The following RAPGEF4 variants were observed in gnomAD, a reference collection of about 807,000 sequenced individuals.
RAPGEF4 encodes Rap guanine nucleotide exchange factor 4, also known as RAP guanine-nucleotide-exchange factor (GEF) 4.
A neutral mutation model predicts 147.9 loss-of-function variants in RAPGEF4; 66 were observed. That is an observed-to-expected ratio of 0.45 (90% CI 0.37 to 0.55). The LOEUF is 0.55. Among genes scored for constraint, RAPGEF4 ranks in the 20% least tolerant of loss-of-function variants. The probability of loss-of-function intolerance (pLI) is 0.00; values close to 1 mark genes in which losing one functional copy is unlikely to be tolerated. For missense variants in RAPGEF4, 1,071 were observed against 1,257.3 expected (o/e 0.85, Z 2.24); for synonymous variants, 419 against 442.7 (o/e 0.95, Z 0.67).
intron 4 of RAPGEF4, among the ~76,000 whole-genome samples, chr2:172,875,070 C>T (rs1403706444): frequency 6.6e-6 from 1 of 152,196 alleles, no homozygotes; most frequent in Non-Finnish European, 1.5e-5. Context: ...TGTTCACATC[C>T]TTTGCCCACT....
At chr2:173,009,258 T>A (rs1694785505) in intron 17 of RAPGEF4, among the ~76,000 whole-genome samples, 1 of 152,220 alleles carries the variant, frequency 6.6e-6, no homozygotes, top group Admixed American at 6.5e-5. Flanking sequence ...TAAATAGCTG[T>A]GATATTTTTA....
chr2:172,946,797 G>T (rs1687722750), intron 6 of RAPGEF4, among the ~76,000 whole-genome samples: 1 of 152,102 alleles, frequency 6.6e-6, no homozygotes, highest in African/African-American at 2.4e-5. Flanking sequence ...TCATCATTTT[G>T]GGCCAGCCAA....
At chr2:172,877,716 G>T (rs539065130) in intron 4 of RAPGEF4, among the ~76,000 whole-genome samples, 2 of 151,976 alleles carry the variant, frequency 1.3e-5, no homozygotes, top group Admixed American at 6.6e-5. Context: ...TGCCCTTGCT[G>T]CCTGTATTCT....
At chr2:172,899,528 T>A (rs1249719874) in intron 4 of RAPGEF4, among the ~76,000 whole-genome samples, 3 of 152,166 alleles carry the variant, frequency 2.0e-5, no homozygotes, top group Admixed American at 2.0e-4. Flanking sequence ...AGCCAGAATG[T>A]GCTTCCCAGA....
At chr2:172,954,679 C>T (rs1688552974) in intron 6 of RAPGEF4, among the ~76,000 whole-genome samples, 1 of 152,266 alleles carries the variant, frequency 6.6e-6, no homozygotes, top group South Asian at 2.1e-4. Context: ...AAGAATGAGA[C>T]ATACATTTCA....
At chr2:172,788,826 C>T (rs1685511448) in intron 1 of RAPGEF4, among the ~76,000 whole-genome samples, 2 of 151,946 alleles carry the variant, frequency 1.3e-5, no homozygotes, top group South Asian at 2.1e-4. Flanking sequence ...CCCAGGGGGT[C>T]GAGGCTTCAG....
chr2:172,983,472 C>T (rs1210384133), intron 10 of RAPGEF4, 24 bp from the exon 11 acceptor site: 10 of 1,498,010 alleles, frequency 6.7e-6, no homozygotes, highest in East Asian at 2.4e-5. Flanking sequence ...TTCCATATTC[C>T]TTTTTTTTTT....
intron 29 of RAPGEF4, among the ~76,000 whole-genome samples, chr2:173,045,674 G>A (rs1047556227): frequency 3.3e-5 from 5 of 152,206 alleles, no homozygotes; most frequent in Admixed American, 2.0e-4. Flanking sequence ...TGAGCGAAAA[G>A]TAAAAGGAGA....
intron 4 of RAPGEF4, among the ~76,000 whole-genome samples, chr2:172,869,917 C>T (rs907718034): frequency 7.9e-5 from 12 of 152,108 alleles, no homozygotes; most frequent in Non-Finnish European, 1.5e-4. Flanking sequence ...TTCATGGAGA[C>T]AAATGCACTG....
At chr2:173,036,835 A>G (rs771964335) in intron 29 of RAPGEF4, 143 bp downstream of exon 29, 1 of 552,778 alleles carries the variant, frequency 1.8e-6, no homozygotes, top group African/African-American at 1.9e-5. Flanking sequence ...ATTTGGTTCA[A>G]ATTGGCTACC....
chr2:173,048,034 A>C lies in RAPGEF4; in HGVS notation c.2854-566A>C, dbSNP rs143461723. ...GTGTTATAATCAGAAAGGAGGAAGA[A>C]GGGAGGGAAGGAGGGAATCAAATCA... On this transcript the variant is annotated intron_variant, in intron 29 of 30. Transcript: ENST00000397081. 1,152 of 152,944 alleles carry C rather than the reference A, an allele frequency of 7.5e-3. 6 individuals carry two copies. Among genetic ancestry groups the C allele is most frequent in the South Asian group, 0.015 (72 of 4,854 alleles). The allele number at this position is 152,944 out of a possible 1,614,324, so 9.5% of individuals were successfully genotyped here. A position where few individuals can be genotyped will look rare whatever the true frequency, so the allele number is the denominator to read the frequency against.
rs559565617 is a variant in RAPGEF4 at position 172,771,296 on chromosome 2, C to T, written c.66-23729C>T. Among the ~76,000 whole-genome samples the T allele has an allele frequency of 2.0e-5, 3 of 152,058 alleles. No individual in the cohort carries two copies. The East Asian group carries it at 5.8e-4, about 29-fold the overall frequency. Reference sequence around the variant, plus strand: ...GGGCTTCTTTTATAAGAACGGTAGTCCCACTCATGAGGACTCCTCCCAAAG... The same window carrying T: ...GGGCTTCTTTTATAAGAACGGTAGTTCCACTCATGAGGACTCCTCCCAAAG... On this transcript the variant is annotated intron_variant, in intron 1 of 30. Transcript: ENST00000397081.
At chr2:172,784,201 A>T (rs1036708187) in intron 1 of RAPGEF4, among the ~76,000 whole-genome samples, 3 of 152,140 alleles carry the variant, frequency 2.0e-5, no homozygotes, top group Non-Finnish European at 4.4e-5. Flanking sequence ...TGTCATACAG[A>T]TGATACTCAG....
At position 172,976,066 on chromosome 2, in the gene RAPGEF4, A is replaced by C. The variant is rs570942094; in HGVS notation, c.1005-7430A>C. 6.6e-5 allele frequency among the ~76,000 whole-genome samples: 10 copies of C among 152,364 alleles called. No homozygotes were observed. In the East Asian group the frequency reaches 1.5e-3, roughly 23 times the overall value. ...CTTCATTTCTCACAAGTATTCATAA[A>C]GCTTTTGCCCTTTATTGCAGTTATA... is the stretch of plus-strand genomic sequence containing the variant. On this transcript the variant is annotated intron_variant, in intron 10 of 30. Coordinates refer to ENST00000397081, the MANE Select transcript of RAPGEF4 (RefSeq NM_007023.4).
intron 1 of RAPGEF4, among the ~76,000 whole-genome samples, chr2:172,773,991 A>G (rs1683904912): frequency 6.6e-6 from 1 of 152,196 alleles, no homozygotes; most frequent in South Asian, 2.1e-4. Flanking sequence ...AATACTTTCG[A>G]GAGTGAATGG....
rs35414922 is a variant in RAPGEF4, at chr2:172,821,737, TAAAAAA to T, written c.444+7331_444+7336del. ...GAAGTTATTAGGAGCTAACTAAAGT[TAAAAAA>T]AAAAAAAAAAAAAAAAAAGGAAGTG... On this transcript the variant is annotated intron_variant, in intron 4 of 30. Coordinates refer to ENST00000397081, the MANE Select transcript of RAPGEF4 (RefSeq NM_007023.4). 1,017 of 819,972 alleles carry T rather than the reference TAAAAAA, an allele frequency of 1.2e-3. 4 individuals carry two copies. In the African/African-American group the frequency reaches 0.02, roughly 16 times the overall value. 50.8% of individuals were successfully genotyped at this position (819,972 alleles called of 1,614,324 possible). A position where few individuals can be genotyped will look rare whatever the true frequency, so the allele number is the denominator to read the frequency against.
chr2:172,937,324 G>A (rs950137566), intron 6 of RAPGEF4, among the ~76,000 whole-genome samples: 4 of 152,068 alleles, frequency 2.6e-5, no homozygotes, highest in African/African-American at 9.7e-5. Context: ...CTCACATTCA[G>A]TCGCCATGTC....
In RAPGEF4 at chr2:173,030,220, A is replaced by T. The variant is rs773852799; in HGVS notation, c.2615A>T (p.Asn872Ile). The T allele has an allele frequency of 6.2e-7, 1 of 1,613,800 alleles. No homozygotes were observed. The highest frequency in any genetic ancestry group is 8.5e-7 in the Non-Finnish European group (1 of 1,179,672). ...TTTGCCATCGTCATGGGACTAAGTAACGTTGCTGTGAGCCGCTTGGCACTA... is the reference window on the plus strand; with the variant it reads ...TTTGCCATCGTCATGGGACTAAGTATCGTTGCTGTGAGCCGCTTGGCACTA... The part of the protein sequence containing the change: ...SFFAIVMGLS[N>I]VAVSRLALTW... Residue 872 changes from asparagine (N) to isoleucine (I), a missense_variant, in exon 26 of 31, where the codon AAC becomes ATC. By Grantham distance (149) the Asn-to-Ile change is moderately radical. Transcript: ENST00000397081.
intron 22 of RAPGEF4, 144 bp from the exon 23 acceptor site, chr2:173,020,474 T>A: frequency 1.4e-6 from 1 of 725,000 alleles, no homozygotes; most frequent in Non-Finnish European, 2.4e-6. Flanking sequence ...TTTTATTCCG[T>A]GGATCCCTTC....
Sources: gnomAD v4.1 joint callset for allele counts (sites outside exome capture counted in the v4.1 genomes callset) on GRCh38, gnomAD v4.1.1 for gene constraint, MANE v1.5 for transcripts, NCBI Gene and HGNC (gene_info 2026-07-23, HGNC 2026-07-21) for gene names.